Variants in RIC1 observed in about 807,000 individuals in gnomAD.
RIC1 encodes guanine nucleotide exchange factor subunit RIC1.
In RIC1, 88 loss-of-function variants were observed where a neutral mutation model predicts 169.0. The observed-to-expected ratio is 0.52, with a 90% confidence interval of 0.44 to 0.62. The LOEUF (loss-of-function observed/expected upper bound fraction) is 0.62. Among genes scored for constraint, RIC1 ranks in the 20% least tolerant of loss-of-function variants. RIC1 has a pLI of 0.00. For synonymous variants in RIC1, 790 were observed against 601.5 expected, an observed-to-expected ratio of 1.31 and a Z score of -4.59; for missense variants, 1,877 against 1,725.5, an observed-to-expected ratio of 1.09 and a Z score of -1.56.
downstream of RIC1, among the ~76,000 whole-genome samples, chr9:5,778,507 T>C (rs1439467566): frequency 1.3e-5 from 2 of 152,222 alleles, no homozygotes; most frequent in African/African-American, 4.8e-5. Context: ...ATTATGATGC[T>C]AGCTGTGGGT....
chr9:5,644,252 T>G (rs1205993307), intron 1 of RIC1, among the ~76,000 whole-genome samples: 1 of 152,212 alleles, frequency 6.6e-6, no homozygotes, highest in African/African-American at 2.4e-5. Context: ...TTAGAAAACC[T>G]TGGCCTACTT....
chr9:5,632,814 A>G (rs1198409401), intron 1 of RIC1, among the ~76,000 whole-genome samples: 1 of 152,184 alleles, frequency 6.6e-6, no homozygotes, highest in Non-Finnish European at 1.5e-5. Flanking sequence ...TTCCTTTAAT[A>G]TACTAACTGT....
intron 3 of RIC1, among the ~76,000 whole-genome samples, chr9:5,692,969 G>A (rs1476040214): frequency 2.0e-5 from 3 of 152,086 alleles, no homozygotes; most frequent in African/African-American, 7.2e-5. Context: ...ACGCGAATAA[G>A]TTGTACAGCT....
chr9:5,706,252 G>T (rs1586985207), intron 3 of RIC1, among the ~76,000 whole-genome samples: 1 of 152,132 alleles, frequency 6.6e-6, no homozygotes, highest in Non-Finnish European at 1.5e-5. Context: ...GAGGTCAGGA[G>T]ATCTAGACCA....
Position 5,774,804 on chromosome 9 carries a change from C to G in RIC1, c.*558C>G, listed in dbSNP as rs1358122960. Reference sequence around the variant, plus strand: ...CTTGGCTTTACTAGCCAGTCAAATCCCAGTCCAGAATTGATGGAAGCTATT... The same window carrying G: ...CTTGGCTTTACTAGCCAGTCAAATCGCAGTCCAGAATTGATGGAAGCTATT... On this transcript the variant is annotated 3_prime_UTR_variant, in exon 26 of 26. Coordinates refer to ENST00000414202, the MANE Select transcript of RIC1 (RefSeq NM_020829.4). The G allele has an allele frequency of 6.6e-6, 1 of 152,236 alleles. No homozygotes were observed. Among genetic ancestry groups the G allele is most frequent in the Non-Finnish European group, 1.5e-5 (1 of 68,116 alleles). 9.4% of individuals were successfully genotyped at this position (152,236 alleles called of 1,614,324 possible). A position where few individuals can be genotyped will look rare whatever the true frequency, so the allele number is the denominator to read the frequency against.
chr9:5,678,310 G>A lies in RIC1; in HGVS notation c.253-11649G>A, dbSNP rs139956157. Among the ~76,000 whole-genome samples, 1,330 of 152,194 alleles carry A rather than the reference G, an allele frequency of 8.7e-3. 21 individuals carry two copies. The highest frequency in any genetic ancestry group is 0.03 in the African/African-American group (1,261 of 41,494). On this transcript the variant is annotated intron_variant, in intron 2 of 25. Coordinates refer to ENST00000414202, the MANE Select transcript of RIC1 (RefSeq NM_020829.4). ...GTGAATAGTGCCGCAGTAAACATAC[G>A]TGTGCATGTGTCTTTATAGCAGCAT...
At chr9:5,757,554 A>G in intron 17 of RIC1, 103 bp downstream of exon 17, 4 of 1,205,304 alleles carry the variant, frequency 3.3e-6, no homozygotes, top group Non-Finnish European at 4.7e-6. Context: ...CTAAGTGTCT[A>G]AAATGTACCT....
intron 6 of RIC1, among the ~76,000 whole-genome samples, chr9:5,728,702 T>G (rs1824163182): frequency 1.3e-5 from 2 of 152,220 alleles, no homozygotes; most frequent in Admixed American, 6.5e-5. Context: ...GAAATTTCTC[T>G]GGGAGCCTTC....
chr9:5,737,514 C>G (rs2130951333), intron 7 of RIC1, among the ~76,000 whole-genome samples: 1 of 151,868 alleles, frequency 6.6e-6, no homozygotes, highest in Admixed American at 6.6e-5. Context: ...ATTTTTACCA[C>G]AAATATATTT....
chr9:5,696,787 T>C (rs748562211), intron 3 of RIC1, among the ~76,000 whole-genome samples: 5 of 152,254 alleles, frequency 3.3e-5, no homozygotes, highest in Non-Finnish European at 7.3e-5. Flanking sequence ...TGTTAGATAC[T>C]GTATTACATT....
intron 2 of RIC1, among the ~76,000 whole-genome samples, chr9:5,671,615 AAAG>A (rs1309484395): frequency 1.3e-5 from 2 of 152,228 alleles, no homozygotes; most frequent in African/African-American, 4.8e-5. Flanking sequence ...TGAAAATAAA[AAAG>A]AACCTGTTTT....
chr9:5,645,766 T>C (rs1224089021), intron 1 of RIC1, among the ~76,000 whole-genome samples: 1 of 152,224 alleles, frequency 6.6e-6, no homozygotes, highest in African/African-American at 2.4e-5. Context: ...CCATTGTATA[T>C]GTACATACTG....
intron 2 of RIC1, 34 bp downstream of exon 2, chr9:5,656,724 T>C (rs778903348): frequency 1.7e-5 from 21 of 1,204,168 alleles, no homozygotes; most frequent in Non-Finnish European, 2.3e-5. Flanking sequence ...AGTGTTTTCT[T>C]ATGAAATCAT....
chr9:5,632,347 C>T (rs1385485527), intron 1 of RIC1, among the ~76,000 whole-genome samples: 2 of 152,164 alleles, frequency 1.3e-5, no homozygotes, highest in Admixed American at 1.3e-4. Context: ...ATTAAAATCT[C>T]TAACTGTACA....
At chr9:5,689,457 C>G (rs1821467691) in intron 2 of RIC1, among the ~76,000 whole-genome samples, 1 of 152,040 alleles carries the variant, frequency 6.6e-6, no homozygotes, top group Admixed American at 6.5e-5. Context: ...GTATCTGGGG[C>G]TATATTTTGT....
chr9:5,682,113 A>G lies in RIC1; in HGVS notation c.253-7846A>G, dbSNP rs142254598. On this transcript the variant is annotated intron_variant, in intron 2 of 25. Transcript: ENST00000414202. ...CTGATGGGTCTTGAGTCTTTATCCA[A>G]TTTGCCAGTCTGTGTCTTTTAATTG... 9.3e-3 allele frequency among the ~76,000 whole-genome samples: 1,413 copies of G among 152,180 alleles called. 18 individuals are homozygous for G. Among genetic ancestry groups the G allele is most frequent in the African/African-American group, 0.032 (1,346 of 41,500 alleles).
At chr9:5,708,908 G>T (rs1217697523) in intron 3 of RIC1, among the ~76,000 whole-genome samples, 1 of 151,618 alleles carries the variant, frequency 6.6e-6, no homozygotes, top group African/African-American at 2.4e-5. Flanking sequence ...TTTAAACTGG[G>T]TCTATTTTTT....
chr9:5,765,593 A>C, intron 20 of RIC1, 21 bp downstream of exon 20: 1 of 1,614,056 alleles, frequency 6.2e-7, no homozygotes. Context: ...AAAGTTACAC[A>C]TCTTCTCTAG....
At chr9:5,722,341 G>A (rs1426582857) in intron 6 of RIC1, among the ~76,000 whole-genome samples, 6 of 71,124 alleles carry the variant, frequency 8.4e-5, no homozygotes, top group African/African-American at 3.2e-4. Flanking sequence ...AACTATAAGA[G>A]AGAGAGAGTG....
Sources: gnomAD v4.1 joint callset for allele counts (sites outside exome capture counted in the v4.1 genomes callset) on GRCh38, gnomAD v4.1.1 for gene constraint, MANE v1.5 for transcripts, NCBI Gene and HGNC (gene_info 2026-07-23, HGNC 2026-07-21) for gene names.